The following CCSER1 variants were observed in gnomAD, a reference collection of about 807,000 sequenced individuals.
CCSER1 encodes coiled-coil serine rich protein 1, also known as serine-rich coiled-coil domain-containing protein 1.
In CCSER1, 41 loss-of-function variants were observed where a neutral mutation model predicts 82.0. The ratio of observed to expected loss-of-function variants is 0.50; its 90% CI spans 0.39 to 0.65. The LOEUF (loss-of-function observed/expected upper bound fraction) is 0.65, where lower values mean the gene tolerates loss of function less well. Among genes scored for constraint, CCSER1 ranks in the 30% least tolerant of loss-of-function variants. The probability of loss-of-function intolerance (pLI) is 0.00; values close to 1 mark genes in which losing one functional copy is unlikely to be tolerated. For synonymous variants in CCSER1, 414 were observed against 383.9 expected (o/e 1.08, Z -0.92); for missense variants, 1,119 against 1,064.2 (o/e 1.05, Z -0.72).
intron 5 of CCSER1, among the ~76,000 whole-genome samples, chr4:90,516,058 A>T (rs1377417934): frequency 6.6e-6 from 1 of 152,210 alleles, no homozygotes; most frequent in Non-Finnish European, 1.5e-5. Flanking sequence ...GTGCAATTGC[A>T]ATATTGTAAG....
At chr4:90,160,520 T>A (rs961922464) in intron 1 of CCSER1, among the ~76,000 whole-genome samples, 1 of 152,180 alleles carries the variant, frequency 6.6e-6, no homozygotes, top group African/African-American at 2.4e-5. Flanking sequence ...CTAAATTCTC[T>A]GGTGTTACAA....
intron 5 of CCSER1, among the ~76,000 whole-genome samples, chr4:90,532,873 C>G (rs1483114723): frequency 3.3e-5 from 5 of 152,032 alleles, no homozygotes; most frequent in African/African-American, 9.7e-5. Flanking sequence ...TCTATCTTGG[C>G]TTTTTTGTAT....
chr4:91,262,699 T>C (rs1357588194), intron 10 of CCSER1, among the ~76,000 whole-genome samples: 1 of 152,088 alleles, frequency 6.6e-6, no homozygotes, highest in African/African-American at 2.4e-5. Context: ...TAATTATTTT[T>C]GATGAGTTTC....
Position 91,022,351 on chromosome 4 carries a change from C to T in CCSER1, c.2173-63599C>T, listed in dbSNP as rs546227823. ...ATGAACTCATCATTTTTTATGGCTG[C>T]AGAGTATTCCATGGTGTATGGTGTA... On this transcript the variant is annotated intron_variant, in intron 9 of 10. Transcript: ENST00000509176. 5.4e-4 allele frequency among the ~76,000 whole-genome samples: 82 copies of T among 152,166 alleles called. 1 individual carries two copies. In the South Asian group the frequency reaches 0.016, roughly 30 times the overall value.
At chr4:91,106,900 T>C (rs1725672165) in intron 10 of CCSER1, among the ~76,000 whole-genome samples, 1 of 152,210 alleles carries the variant, frequency 6.6e-6, no homozygotes, top group Non-Finnish European at 1.5e-5. Context: ...AGCTACATGA[T>C]TCAATCAAAT....
intron 8 of CCSER1, among the ~76,000 whole-genome samples, chr4:90,847,099 A>G (rs143110296): frequency 3.3e-4 from 51 of 152,338 alleles, no homozygotes; most frequent in African/African-American, 1.2e-3. Context: ...CTTAGCTGAT[A>G]TTACAAAGGC....
chr4:90,312,198 A>G (rs2153480622), intron 2 of CCSER1, among the ~76,000 whole-genome samples: 1 of 152,252 alleles, frequency 6.6e-6, no homozygotes, highest in South Asian at 2.1e-4. Context: ...GGGCTGGAGC[A>G]TGCCAGTGAT....
intron 8 of CCSER1, among the ~76,000 whole-genome samples, chr4:90,889,202 G>A (rs1722601632): frequency 6.6e-6 from 1 of 152,074 alleles, no homozygotes; most frequent in South Asian, 2.1e-4. Flanking sequence ...GAATTCCACA[G>A]ACATTTCCTG....
At chr4:91,383,000 T>A (rs547983129) in intron 10 of CCSER1, among the ~76,000 whole-genome samples, 1,899 of 88,376 alleles carry the variant, frequency 0.021, 26 homozygotes, top group African/African-American at 0.065. Context: ...ATCATTATCA[T>A]TTTTTTTTTT....
intron 3 of CCSER1, among the ~76,000 whole-genome samples, chr4:90,382,813 G>A (rs1331640252): frequency 1.3e-5 from 2 of 151,974 alleles, no homozygotes; most frequent in African/African-American, 2.4e-5. Context: ...TTTAAAAACT[G>A]CAGATTTGTC....
intron 10 of CCSER1, among the ~76,000 whole-genome samples, chr4:91,287,287 C>T (rs565666754): frequency 6.6e-6 from 1 of 152,012 alleles, no homozygotes; most frequent in East Asian, 1.9e-4. Context: ...TCTGTAAGAA[C>T]AGATGTTTCT....
chr4:90,197,372 G>C lies in CCSER1; in HGVS notation c.-42+69541G>C, dbSNP rs1736808997. 3.3e-5 allele frequency among the ~76,000 whole-genome samples: 5 copies of C among 152,144 alleles called. No homozygotes were observed. In the South Asian group the frequency reaches 1.0e-3, roughly 32 times the overall value. ...AACCACTATGGAGAACAGTTTGGAGGTTCCTCAAAAAATTAAAGACTGGAC... is the reference window on the plus strand; with the variant it reads ...AACCACTATGGAGAACAGTTTGGAGCTTCCTCAAAAAATTAAAGACTGGAC... On this transcript the variant is annotated intron_variant, in intron 1 of 10. Transcript: ENST00000509176.
At chr4:91,164,417 C>T (rs1266000984) in intron 10 of CCSER1, among the ~76,000 whole-genome samples, 3 of 152,068 alleles carry the variant, frequency 2.0e-5, no homozygotes, top group Admixed American at 2.0e-4. Flanking sequence ...CTTGGGGTTG[C>T]TCTTCTTGAG....
intron 4 of CCSER1, among the ~76,000 whole-genome samples, chr4:90,400,555 A>C (rs1752684874): frequency 6.6e-6 from 1 of 152,252 alleles, no homozygotes; most frequent in East Asian, 1.9e-4. Flanking sequence ...TACATAGGTT[A>C]ATGTTGATGC....
chr4:91,104,137 C>T lies in CCSER1; in HGVS notation c.2217+18143C>T, dbSNP rs187803911. ...GTAATTTTGTGGTCAGATCGGTTCTCTGCACTTGAACCCTGTTTTCTGTTG... is the reference window on the plus strand; with the variant it reads ...GTAATTTTGTGGTCAGATCGGTTCTTTGCACTTGAACCCTGTTTTCTGTTG... On this transcript the variant is annotated intron_variant, in intron 10 of 10. Transcript: ENST00000509176. Among the ~76,000 whole-genome samples, 17 of 152,266 alleles carry T rather than the reference C, an allele frequency of 1.1e-4. No individual in the cohort carries two copies. The East Asian group carries it at 3.3e-3, about 30-fold the overall frequency.
At position 91,600,227 on chromosome 4, in the gene CCSER1, AAT is replaced by A. The variant is rs1169897127; in HGVS notation, c.*1173_*1174del. The A allele has an allele frequency of 2.0e-5, 3 of 152,138 alleles. No homozygotes were observed. Among genetic ancestry groups the A allele is most frequent in the Non-Finnish European group, 2.9e-5 (2 of 68,012 alleles). 9.4% of individuals were successfully genotyped at this position (152,138 alleles called of 1,614,324 possible). On this transcript the variant is annotated 3_prime_UTR_variant, in exon 11 of 11. Transcript: ENST00000509176. ...GACAAATAAGGCCCAAATATGTTAT[AAT>A]ATGTTATATACTTATGTGCACTTTA... is the stretch of plus-strand genomic sequence containing the variant.
At chr4:90,382,373 A>G (rs921819057) in intron 3 of CCSER1, among the ~76,000 whole-genome samples, 3 of 152,006 alleles carry the variant, frequency 2.0e-5, no homozygotes, top group African/African-American at 7.2e-5. Context: ...TTTTAAACTA[A>G]TCCTTCAAAG....
intron 1 of CCSER1, among the ~76,000 whole-genome samples, chr4:90,222,243 C>T (rs1455229925): frequency 6.6e-6 from 1 of 151,996 alleles, no homozygotes; most frequent in Non-Finnish European, 1.5e-5. Context: ...TTCTCATTAG[C>T]ATTTTAAAAA....
intron 10 of CCSER1, among the ~76,000 whole-genome samples, chr4:91,458,697 T>C (rs1756334502): frequency 6.6e-6 from 1 of 152,208 alleles, no homozygotes; most frequent in Non-Finnish European, 1.5e-5. Flanking sequence ...ATCAGTGCTT[T>C]ACAGTTTTAA....
Sources: gnomAD v4.1 joint callset for allele counts (sites outside exome capture counted in the v4.1 genomes callset) on GRCh38, gnomAD v4.1.1 for gene constraint, MANE v1.5 for transcripts, NCBI Gene and HGNC (gene_info 2026-07-23, HGNC 2026-07-21) for gene names.